PDCD2L: variants seen among roughly 807,000 people sequenced by gnomAD.
PDCD2L encodes the protein programmed cell death 2 like.
A neutral mutation model predicts 40.4 loss-of-function variants in PDCD2L; 44 were observed. The ratio of observed to expected loss-of-function variants is 1.09; its 90% CI spans 0.86 to 1.40. PDCD2L has a LOEUF of 1.40. Ranked by LOEUF, PDCD2L falls within the 40% of genes most tolerant of loss-of-function variation. The pLI, the probability that PDCD2L is intolerant of heterozygous loss-of-function variation, is 0.00. For missense variants in PDCD2L, 470 were observed against 453.7 expected, an observed-to-expected ratio of 1.04 and a Z score of -0.33; for synonymous variants, 194 against 174.6, an observed-to-expected ratio of 1.11 and a Z score of -0.88.
intron 4 of PDCD2L, among the ~76,000 whole-genome samples, chr19:34,412,398 G>A (rs951014501): frequency 5.3e-5 from 8 of 152,126 alleles, no homozygotes; most frequent in African/African-American, 1.7e-4. Flanking sequence ...AGAGCTACAT[G>A]TACACAATTT....
chr19:34,416,140 C>T (rs901408670), intron 5 of PDCD2L, among the ~76,000 whole-genome samples: 1 of 152,156 alleles, frequency 6.6e-6, no homozygotes, highest in South Asian at 2.1e-4. Context: ...AGGATGGTCT[C>T]GAACTCCCGA....
intron 4 of PDCD2L, among the ~76,000 whole-genome samples, chr19:34,410,927 G>A (rs911336767): frequency 2.6e-5 from 4 of 151,082 alleles, no homozygotes; most frequent in Non-Finnish European, 5.9e-5. Context: ...TGGGACTACA[G>A]GTGCGCGCCA....
chr19:34,419,149 A>G (rs1473987555), intron 5 of PDCD2L, among the ~76,000 whole-genome samples: 1 of 151,732 alleles, frequency 6.6e-6, no homozygotes, highest in Non-Finnish European at 1.5e-5. Context: ...TGTTGGGTTA[A>G]TTGTTTTTTG....
intron 6 of PDCD2L, among the ~76,000 whole-genome samples, chr19:34,424,994 C>G (rs1183228071): frequency 6.6e-6 from 1 of 152,072 alleles, no homozygotes; most frequent in African/African-American, 2.4e-5. Flanking sequence ...GATCCATATA[C>G]CACAGCCTCC....
At chr19:34,420,096 AGCC>A (rs911520182) in intron 5 of PDCD2L, among the ~76,000 whole-genome samples, 1 of 151,940 alleles carries the variant, frequency 6.6e-6, no homozygotes, top group Non-Finnish European at 1.5e-5. Flanking sequence ...GCGATTCTGC[AGCC>A]GCGGCCTCAG....
Position 34,425,529 on chromosome 19 carries a change from TTTTG to T in PDCD2L, c.947-441_947-438del, listed in dbSNP as rs371976322. ...CCAGGCTATATGAGATATATATATA[TTTTG>T]TTTGTTTGTTTGTTTGTTTTGTTTT... On this transcript the variant is annotated intron_variant, in intron 6 of 6. Coordinates refer to ENST00000246535, the MANE Select transcript of PDCD2L (RefSeq NM_032346.2). Among the ~76,000 whole-genome samples the T allele has an allele frequency of 6.6e-3, 1,007 of 151,864 alleles. 9 individuals carry two copies. Among genetic ancestry groups the T allele is most frequent in the African/African-American group, 0.02 (822 of 41,448 alleles).
rs146147218 is a variant in PDCD2L at position 34,410,762 on chromosome 19, T to TTATATTTATTTATTTATTTATTTA, written c.686+1253_686+1254insATATTTATTTATTTATTTATTTAT. Among the ~76,000 whole-genome samples the TTATATTTATTTATTTATTTATTTA allele has an allele frequency of 6.0e-4, 88 of 146,320 alleles. 2 individuals carry two copies. Among genetic ancestry groups the TTATATTTATTTATTTATTTATTTA allele is most frequent in the Middle Eastern group, 3.5e-3 (1 of 288 alleles). On this transcript the variant is annotated intron_variant, in intron 4 of 6. Transcript: ENST00000246535. ...TTGATGGTTATAAGGACTTTTTATTTTTTATTTATTTATTTATTTATTTAT... is the reference window on the plus strand; with the variant it reads ...TTGATGGTTATAAGGACTTTTTATTTTATATTTATTTATTTATTTATTTATTTATTTATTTATTTATTTATTTAT...
chr19:34,411,477 C>T (rs1395878707), intron 4 of PDCD2L, among the ~76,000 whole-genome samples: 2 of 151,628 alleles, frequency 1.3e-5, no homozygotes, highest in South Asian at 2.1e-4. Context: ...AGTTCTGGCC[C>T]CACGTGATCC....
At chr19:34,416,632 A>T (rs2075127575) in intron 5 of PDCD2L, among the ~76,000 whole-genome samples, 1 of 152,222 alleles carries the variant, frequency 6.6e-6, no homozygotes, top group Non-Finnish European at 1.5e-5. Flanking sequence ...CAGGCCTCAT[A>T]TGAGATGGAC....
At position 34,421,530 on chromosome 19, in the gene PDCD2L, G is replaced by A. The variant is rs755642326; in HGVS notation, c.809G>A (p.Ser270Asn). 29 of 1,613,952 alleles carry A rather than the reference G, an allele frequency of 1.8e-5. No individual in the cohort carries two copies. The Admixed American group carries it at 4.7e-4, about 26-fold the overall frequency. The change falls in exon 6 of 7, where the codon AGT becomes AAT. Residue 270 changes from serine to asparagine, a missense_variant. Coordinates refer to ENST00000246535, the MANE Select transcript of PDCD2L (RefSeq NM_032346.2). Reference sequence around the variant, plus strand: ...TTTCCTTGTCCTAGGTATTCCTGGAGTGGAGAGCCACTCTTTTTGACCTGC... The same window carrying A: ...TTTCCTTGTCCTAGGTATTCCTGGAATGGAGAGCCACTCTTTTTGACCTGC... The part of the protein sequence containing the change: ...CQEQILRYSW[S>N]GEPLFLTCPT...
At chr19:34,421,154 TGGTCCATGGCCTGGG>T (rs759234959) in intron 5 of PDCD2L, among the ~76,000 whole-genome samples, 6 of 152,176 alleles carry the variant, frequency 3.9e-5, no homozygotes, top group East Asian at 3.9e-4. Flanking sequence ...CAACCAGTAC[TGGTCCATGGCCTGGG>T]GGTCCATGGC....
At chr19:34,410,408 T>C (rs889010120) in intron 4 of PDCD2L, among the ~76,000 whole-genome samples, 1 of 151,948 alleles carries the variant, frequency 6.6e-6, no homozygotes, top group African/African-American at 2.4e-5. Context: ...TGTGCCACCA[T>C]GCCCAGCTAA....
intron 3 of PDCD2L, among the ~76,000 whole-genome samples, chr19:34,407,930 G>T (rs2075084416): frequency 6.6e-6 from 1 of 152,056 alleles, no homozygotes. Flanking sequence ...TTGTTTGTTT[G>T]TTTGTTTTTT....
chr19:34,423,244 G>A (rs2075160814), intron 6 of PDCD2L, among the ~76,000 whole-genome samples: 3 of 151,746 alleles, frequency 2.0e-5, no homozygotes, highest in Admixed American at 1.3e-4. Context: ...GTGCAATGGT[G>A]CTATCTCGGC....
At chr19:34,408,958 A>G in intron 3 of PDCD2L, 1 of 584,706 alleles carries the variant, frequency 1.7e-6, no homozygotes, top group Non-Finnish European at 3.1e-6. Flanking sequence ...ACTCACCCCA[A>G]AAAGGAAAGA....
chr19:34,424,698 T>A lies in PDCD2L; in HGVS notation c.947-1292T>A, dbSNP rs534343871. ...AGGCGCTTTTCCCTTACCAGTCAGA[T>A]GCTCCTAGAGGAATGTCATATACCA... On this transcript the variant is annotated intron_variant, in intron 6 of 6. Coordinates refer to ENST00000246535, the MANE Select transcript of PDCD2L (RefSeq NM_032346.2). Among the ~76,000 whole-genome samples the A allele has an allele frequency of 9.9e-5, 15 of 152,094 alleles. No individual in the cohort carries two copies. The South Asian group carries it at 2.7e-3, about 27-fold the overall frequency.
intron 5 of PDCD2L, among the ~76,000 whole-genome samples, chr19:34,414,459 A>T (rs1332131991): frequency 8.2e-6 from 1 of 122,132 alleles, no homozygotes; most frequent in East Asian, 2.6e-4. Context: ...TACAAGTGTG[A>T]GCCACCATGC....
At chr19:34,411,983 T>TAA (rs1555724509) in intron 4 of PDCD2L, among the ~76,000 whole-genome samples, 22 of 145,298 alleles carry the variant, frequency 1.5e-4, no homozygotes, top group Admixed American at 7.7e-4. Flanking sequence ...TATATATATA[T>TAA]AAAATAAATA....
At chr19:34,406,735 T>TA (rs1159416902) in intron 3 of PDCD2L, among the ~76,000 whole-genome samples, 3 of 150,742 alleles carry the variant, frequency 2.0e-5, no homozygotes, top group Non-Finnish European at 4.4e-5. Flanking sequence ...CAGTAGAACT[T>TA]AAAAAAAACC....
Sources: gnomAD v4.1 joint callset for allele counts (sites outside exome capture counted in the v4.1 genomes callset) on GRCh38, gnomAD v4.1.1 for gene constraint, MANE v1.5 for transcripts, NCBI Gene and HGNC (gene_info 2026-07-23, HGNC 2026-07-21) for gene names.